The following BBS9 variants were observed in gnomAD, a reference collection of about 807,000 sequenced individuals.
BBS9 encodes the protein protein PTHB1.
A neutral mutation model predicts 117.7 loss-of-function variants in BBS9; 89 were observed. The ratio of observed to expected loss-of-function variants is 0.76; its 90% confidence interval spans 0.64 to 0.90. The LOEUF (loss-of-function observed/expected upper bound fraction) is 0.90, where lower values mean the gene tolerates loss of function less well. BBS9 is among the 40% of genes least tolerant of loss of function. The probability of loss-of-function intolerance (pLI) is 0.00; values close to 1 mark genes in which losing one functional copy is unlikely to be tolerated. For missense variants in BBS9, 982 were observed against 1,042.2 expected (o/e 0.94, Z 0.80); for synonymous variants, 379 against 370.9 (o/e 1.02, Z -0.25).
At chr7:33,266,956 A>G (rs1476374539) in intron 7 of BBS9, among the ~76,000 whole-genome samples, 1 of 151,898 alleles carries the variant, frequency 6.6e-6, no homozygotes, top group Non-Finnish European at 1.5e-5. Context: ...TGTTGACCAG[A>G]CTGGTCTCGA....
At chr7:33,371,399 A>T (rs985263004) in intron 17 of BBS9, among the ~76,000 whole-genome samples, 1 of 152,186 alleles carries the variant, frequency 6.6e-6, no homozygotes, top group South Asian at 2.1e-4. Flanking sequence ...AGTGTTTTCA[A>T]TAAGGATTGA....
downstream of BBS9, among the ~76,000 whole-genome samples, chr7:33,608,480 A>C (rs1271491344): frequency 6.6e-6 from 1 of 152,094 alleles, no homozygotes; most frequent in Non-Finnish European, 1.5e-5. Flanking sequence ...CAGTGGCTGA[A>C]CTAATTTACA....
At chr7:33,227,426 T>A (rs1039761080) in intron 5 of BBS9, among the ~76,000 whole-genome samples, 1 of 152,078 alleles carries the variant, frequency 6.6e-6, no homozygotes, top group African/African-American at 2.4e-5. Flanking sequence ...AGATTACAGG[T>A]GTGAGCCACT....
chr7:33,351,858 G>C (rs1184339199), intron 14 of BBS9: 1 of 166,748 alleles, frequency 6.0e-6, no homozygotes, highest in Non-Finnish European at 1.3e-5. Context: ...TCCCCAGTGC[G>C]CTCGCGGGCA....
intron 21 of BBS9, among the ~76,000 whole-genome samples, chr7:33,577,614 G>A (rs1241239979): frequency 6.6e-6 from 1 of 152,162 alleles, no homozygotes; most frequent in Non-Finnish European, 1.5e-5. Flanking sequence ...TATGTTTATT[G>A]TGGCACTATT....
chr7:33,477,534 A>G (rs1841966641), intron 19 of BBS9, among the ~76,000 whole-genome samples: 1 of 152,104 alleles, frequency 6.6e-6, no homozygotes, highest in Non-Finnish European at 1.5e-5. Context: ...AGCTTGTGTG[A>G]ATGTAAGGAC....
At chr7:33,583,910 T>C (rs1172639444) in intron 21 of BBS9, among the ~76,000 whole-genome samples, 1 of 152,170 alleles carries the variant, frequency 6.6e-6, no homozygotes, top group African/African-American at 2.4e-5. Context: ...AATGTTATTA[T>C]ATATATCTCA....
rs953181746 is a variant in BBS9 at position 33,392,621 on chromosome 7, A to T, written c.2115+4477A>T. ...AGTGGAGAATTGTGTACTTTTTTAT[A>T]ATCTATCCTCCTTCTTTCAACATAT... On this transcript the variant is annotated intron_variant, in intron 19 of 22. Transcript: ENST00000242067. Among the ~76,000 whole-genome samples the T allele has an allele frequency of 2.6e-5, 4 of 152,158 alleles. No individual in the cohort carries two copies. The South Asian group carries it at 8.3e-4, about 31-fold the overall frequency.
At chr7:33,587,957 G>A (rs569248540) in intron 21 of BBS9, among the ~76,000 whole-genome samples, 1 of 152,006 alleles carries the variant, frequency 6.6e-6, no homozygotes, top group Non-Finnish European at 1.5e-5. Flanking sequence ...ATGCCCCAGT[G>A]GATATAACAT....
intron 4 of BBS9, among the ~76,000 whole-genome samples, chr7:33,155,952 C>T (rs1470994882): frequency 6.6e-6 from 1 of 152,178 alleles, no homozygotes; most frequent in Non-Finnish European, 1.5e-5. Flanking sequence ...TCACCTGCCT[C>T]TCCAGAATTG....
intron 21 of BBS9, among the ~76,000 whole-genome samples, chr7:33,551,183 G>T (rs1310930262): frequency 6.6e-6 from 1 of 152,074 alleles, no homozygotes; most frequent in Admixed American, 6.6e-5. Flanking sequence ...AAAATAAGAA[G>T]CAAATACATT....
At chr7:33,407,917 T>A (rs957856098) in intron 19 of BBS9, among the ~76,000 whole-genome samples, 2 of 152,160 alleles carry the variant, frequency 1.3e-5, no homozygotes, top group African/African-American at 4.8e-5. Flanking sequence ...CAGTCTGCCC[T>A]TTCTCAGATC....
chr7:33,564,152 A>C lies in BBS9; in HGVS notation c.2521+29976A>C, dbSNP rs562274698. Among the ~76,000 whole-genome samples, 169 of 152,124 alleles carry C rather than the reference A, an allele frequency of 1.1e-3. 2 individuals carry two copies. Among genetic ancestry groups the C allele is most frequent in the Admixed American group, 7.7e-3 (118 of 15,260 alleles). The stretch of plus-strand genomic sequence containing the variant: ...TATTGGCAAATTGGAGAGAGAGGAG[A>C]GATATCTTATTTATTTTATCTTAGT... On this transcript the variant is annotated intron_variant, in intron 21 of 22. Transcript: ENST00000242067.
chr7:33,460,316 T>G (rs760422498), intron 19 of BBS9, among the ~76,000 whole-genome samples: 3 of 152,160 alleles, frequency 2.0e-5, no homozygotes. Flanking sequence ...TTCTTGGCTT[T>G]ATCTTTAACT....
chr7:33,305,199 A>G (rs1487692569), intron 9 of BBS9, among the ~76,000 whole-genome samples: 1 of 151,392 alleles, frequency 6.6e-6, no homozygotes, highest in African/African-American at 2.4e-5. Flanking sequence ...GATTAGATGT[A>G]TCATATTGAT....
At chr7:33,467,722 A>T (rs939489977) in intron 19 of BBS9, among the ~76,000 whole-genome samples, 1 of 152,158 alleles carries the variant, frequency 6.6e-6, no homozygotes, top group Non-Finnish European at 1.5e-5. Context: ...AGTGAAAAAA[A>T]TAGATATTTC....
At chr7:33,569,380 C>G (rs1360631907) in intron 21 of BBS9, among the ~76,000 whole-genome samples, 1 of 148,196 alleles carries the variant, frequency 6.7e-6, no homozygotes, top group Non-Finnish European at 1.5e-5. Flanking sequence ...GTAGTATGAA[C>G]TCATGGTTTT....
intron 2 of BBS9, among the ~76,000 whole-genome samples, chr7:33,151,850 C>A (rs370229036): frequency 7.3e-5 from 6 of 82,338 alleles, no homozygotes; most frequent in Middle Eastern, 0.022. Flanking sequence ...TGCACCCAGC[C>A]TTTTTTTTTT....
At chr7:33,193,932 C>G (rs1784555521) in intron 5 of BBS9, among the ~76,000 whole-genome samples, 1 of 152,108 alleles carries the variant, frequency 6.6e-6, no homozygotes, top group East Asian at 1.9e-4. Flanking sequence ...ATTCGCCACC[C>G]CCTACTTTTC....
Sources: allele counts gnomAD v4.1 joint callset (sites outside exome capture counted in the v4.1 genomes callset), GRCh38; gene constraint gnomAD v4.1.1; transcripts MANE v1.5; gene names NCBI Gene and HGNC (gene_info 2026-07-23, HGNC 2026-07-21).